WDR17: variants seen among roughly 807,000 people sequenced by gnomAD.
WDR17 encodes WD repeat domain 17, also known as WD repeat-containing protein 17.
Under a neutral mutation model 161.7 loss-of-function variants are expected in WDR17, and 143 were observed. The observed-to-expected ratio is 0.88, with a 90% CI of 0.77 to 1.02. WDR17 has a LOEUF of 1.02. Among genes scored for constraint, WDR17 ranks in the 50% least tolerant of loss-of-function variants. The probability of loss-of-function intolerance (pLI) is 0.00; values close to 1 mark genes in which losing one functional copy is unlikely to be tolerated. For synonymous variants in WDR17, 517 were observed against 515.6 expected (o/e 1.00, Z -0.04); for missense variants, 1,469 against 1,520.9 (o/e 0.97, Z 0.57).
intron 1 of WDR17, among the ~76,000 whole-genome samples, chr4:176,074,268 C>A (rs1226035241): frequency 6.6e-6 from 1 of 151,902 alleles, no homozygotes; most frequent in Non-Finnish European, 1.5e-5. Context: ...CATCCTGTGC[C>A]ATCTTTTAAA....
rs79508131 is a variant in WDR17, at chr4:176,125,618, T to C, written c.790+263T>C. Among the ~76,000 whole-genome samples the C allele has an allele frequency of 6.8e-3, 589 of 86,814 alleles. 5 individuals carry two copies. The highest frequency in any genetic ancestry group is 0.025 in the African/African-American group (559 of 22,036). The allele number at this position is 86,814 out of a possible 152,430, so 57.0% of individuals were successfully genotyped here. A position where few individuals can be genotyped will look rare whatever the true frequency, so the allele number is the denominator to read the frequency against. ...GGAATATATTATATATGTGCACACATGTGAGCATGTCTGTGTATGTGCAAA... is the reference window on the plus strand; with the variant it reads ...GGAATATATTATATATGTGCACACACGTGAGCATGTCTGTGTATGTGCAAA... On this transcript the variant is annotated intron_variant, in intron 5 of 28. Coordinates refer to ENST00000508596, the MANE Select transcript of WDR17 (RefSeq NM_181265.4).
intron 22 of WDR17, chr4:176,166,004 T>C (rs561297217): frequency 6.2e-4 from 304 of 492,410 alleles, no homozygotes; most frequent in Non-Finnish European, 5.8e-4. Flanking sequence ...ACATCATTTA[T>C]AAAGATGTGC....
chr4:176,115,533 T>C (rs1377725602), intron 2 of WDR17, among the ~76,000 whole-genome samples: 4 of 152,078 alleles, frequency 2.6e-5, no homozygotes, highest in African/African-American at 9.6e-5. Context: ...TTATTATGCA[T>C]ATTTAAATGT....
At chr4:176,098,930 A>G (rs1737350358) in intron 1 of WDR17, among the ~76,000 whole-genome samples, 1 of 152,060 alleles carries the variant, frequency 6.6e-6, no homozygotes, top group Non-Finnish European at 1.5e-5. Context: ...TAAGACCTGT[A>G]AAAGCTATTT....
chr4:176,103,123 T>G (rs114368021), intron 1 of WDR17, among the ~76,000 whole-genome samples: 1,817 of 152,204 alleles, frequency 0.012, 39 homozygotes, highest in African/African-American at 0.041. Flanking sequence ...ATTTTTTTCT[T>G]TTTACCCTTT....
Position 176,148,284 on chromosome 4 carries a change from C to A in WDR17, c.1846C>A (p.Arg616=). The A allele has an allele frequency of 6.2e-7, 1 of 1,613,858 alleles. No individual in the cohort carries two copies. Among genetic ancestry groups the A allele is most frequent in the African/African-American group, 1.3e-5 (1 of 74,986 alleles). ...WDYTIKVWDT[R]EGTCVDTVYD... is the part of the protein sequence containing the mutation. ...CTATACTATAAAAGTATGGGACACT[C>A]GAGAAGGAACTTGTGTGGATACTGT... Residue 616 remains arginine, a synonymous_variant, in exon 13 of 29, where the codon CGA becomes AGA. Transcript: ENST00000508596.
rs1422992901 is a variant in WDR17, at chr4:176,162,174, G to T, written c.2850G>T (p.Glu950Asp). 6.2e-7 allele frequency: 1 copy of T among 1,610,546 alleles called. No homozygotes were observed. The highest frequency in any genetic ancestry group is 8.5e-7 in the Non-Finnish European group (1 of 1,178,470). The stretch of plus-strand genomic sequence containing the variant: ...GCCATCTTGCCATAGATAATATTGA[G>T]GTACGACATTTAAAACTGGTTTATG... ...ACCHLAIDNI[E>D]LAMAYLIRGN... is the part of the protein sequence containing the mutation. The change falls in exon 21 of 29, where the codon GAG becomes GAT. Residue 950 changes from glutamate to aspartate, a missense_variant and splice_region_variant. Glu to Asp is a conservative substitution (Grantham distance 45). Coordinates refer to ENST00000508596, the MANE Select transcript of WDR17 (RefSeq NM_181265.4).
In WDR17 at chr4:176,131,656, G is replaced by A; in HGVS notation, c.1016G>A (p.Gly339Asp). ...AATCAAGCATTTTCTCTTCCTCCTG[G>A]TCATGCAGTGTGTTGTTTCTTGGAT... Reference protein sequence around the residue: ...TQNQAFSLPPGHAVCCFLDGG... With the variant: ...TQNQAFSLPPDHAVCCFLDGG... The change falls in exon 7 of 29, where the codon GGT becomes GAT. Residue 339 changes from glycine (G) to aspartate (D), a missense_variant. Physicochemically the swap from Gly to Asp is moderately conservative, Grantham distance 94. Coordinates refer to ENST00000508596, the MANE Select transcript of WDR17 (RefSeq NM_181265.4). The A allele has an allele frequency of 2.5e-6, 4 of 1,613,602 alleles. No individual in the cohort carries two copies. The South Asian group carries it at 4.4e-5, about 18-fold the overall frequency.
intron 1 of WDR17, among the ~76,000 whole-genome samples, chr4:176,098,905 T>A (rs1214685022): frequency 6.6e-6 from 1 of 152,026 alleles, no homozygotes; most frequent in Non-Finnish European, 1.5e-5. Flanking sequence ...TTAAAAGGAT[T>A]TAAGTGTTGG....
chr4:176,175,265 A>G (rs1561222044), intron 26 of WDR17, among the ~76,000 whole-genome samples: 1 of 152,204 alleles, frequency 6.6e-6, no homozygotes, highest in Admixed American at 6.5e-5. Flanking sequence ...TAGCTTTTCA[A>G]TCTCTACAGC....
At chr4:176,166,020 T>C (rs1749723260) in intron 22 of WDR17, 1 of 559,032 alleles carries the variant, frequency 1.8e-6, no homozygotes, top group South Asian at 2.3e-5. Context: ...TGTGCATAAT[T>C]TTTAAGCTAT....
chr4:176,089,783 C>A (rs1267656696), intron 1 of WDR17, among the ~76,000 whole-genome samples: 1 of 152,062 alleles, frequency 6.6e-6, no homozygotes, highest in Non-Finnish European at 1.5e-5. Flanking sequence ...TAGGGTATGA[C>A]AGCTTTTGCT....
intron 1 of WDR17, among the ~76,000 whole-genome samples, chr4:176,107,640 GAA>G (rs931476872): frequency 6.6e-6 from 1 of 151,768 alleles, no homozygotes; most frequent in African/African-American, 2.4e-5. Context: ...CAACATGGAT[GAA>G]ACTTAAGGAC....
chr4:176,149,231 A>T (rs951067391), intron 13 of WDR17, among the ~76,000 whole-genome samples: 18 of 151,760 alleles, frequency 1.2e-4, no homozygotes, highest in African/African-American at 4.4e-4. Flanking sequence ...CTTTCTAATA[A>T]TTTTTTTCTT....
chr4:176,124,771 A>G (rs766868562), intron 4 of WDR17, among the ~76,000 whole-genome samples: 1 of 152,164 alleles, frequency 6.6e-6, no homozygotes, highest in Non-Finnish European at 1.5e-5. Context: ...CCCTATTTCT[A>G]TGCTGCTGTA....
At chr4:176,074,929 G>A (rs1191594144) in intron 1 of WDR17, among the ~76,000 whole-genome samples, 1 of 147,804 alleles carries the variant, frequency 6.8e-6, no homozygotes, top group Non-Finnish European at 1.5e-5. Context: ...AAAGTCAATG[G>A]AATAATAAAC....
At chr4:176,133,169 C>A (rs1435747123) in intron 7 of WDR17, among the ~76,000 whole-genome samples, 6 of 120,478 alleles carry the variant, frequency 5.0e-5, no homozygotes, top group Non-Finnish European at 7.0e-5. Context: ...AAAAAAAAAA[C>A]AATTTTTTAT....
At chr4:176,155,856 C>T (rs977899651) in intron 17 of WDR17, among the ~76,000 whole-genome samples, 6 of 151,610 alleles carry the variant, frequency 4.0e-5, no homozygotes, top group African/African-American at 7.3e-5. Flanking sequence ...AGCCACCATG[C>T]CCAGCTTCTT....
In WDR17 at chr4:176,172,489, C is replaced by T; in HGVS notation, c.3217C>T (p.Leu1073Phe). 1 of 1,604,554 alleles carries T rather than the reference C, an allele frequency of 6.2e-7. No homozygotes were observed. Among genetic ancestry groups the T allele is most frequent in the Non-Finnish European group, 8.5e-7 (1 of 1,177,602 alleles). The change falls in exon 24 of 29, where the codon CTT becomes TTT. Residue 1073 changes from leucine (L) to phenylalanine (F), a missense_variant. Coordinates refer to ENST00000508596, the MANE Select transcript of WDR17 (RefSeq NM_181265.4). ...GTTAAGTCAAGAACCTGAAAAAGCC[C>T]TTCCTATTGGTATTAGCTTTGTTAA... ...YLLSQEPEKA[L>F]PIGISFVKEY...
Sources: gnomAD v4.1 joint callset for allele counts (sites outside exome capture counted in the v4.1 genomes callset) on GRCh38, gnomAD v4.1.1 for gene constraint, MANE v1.5 for transcripts, NCBI Gene and HGNC (gene_info 2026-07-23, HGNC 2026-07-21) for gene names.